The following ADIPOR2 variants were observed in gnomAD, a reference collection of about 807,000 sequenced individuals.
ADIPOR2 encodes the protein adiponectin receptor 2.
Under a neutral mutation model 40.9 loss-of-function variants are expected in ADIPOR2, and 18 were observed. That is an observed-to-expected ratio of 0.44 (90% confidence interval 0.30 to 0.65). The LOEUF is 0.65. Ranked by LOEUF, ADIPOR2 falls within the 30% of genes least tolerant of loss-of-function variation. The probability of loss-of-function intolerance (pLI) is 0.09; values close to 1 mark genes in which losing one functional copy is unlikely to be tolerated. For synonymous variants in ADIPOR2, 165 were observed against 166.4 expected (o/e 0.99, Z 0.06); for missense variants, 283 against 479.2 (o/e 0.59, Z 3.82).
intron 4 of ADIPOR2, 176 bp from the exon 5 acceptor site, chr12:1,780,275 C>T: frequency 1.8e-6 from 1 of 549,552 alleles, no homozygotes; most frequent in Admixed American, 4.1e-5. Flanking sequence ...CTGATACCAA[C>T]AATGTTGGAA....
chr12:1,737,347 T>TG (rs2094733075), intron 1 of ADIPOR2, among the ~76,000 whole-genome samples: 1 of 151,936 alleles, frequency 6.6e-6, no homozygotes, highest in Admixed American at 6.6e-5. Flanking sequence ...TTGTTGTTGT[T>TG]TTTTTTCTTA....
At chr12:1,705,080 C>T (rs750298798) in intron 1 of ADIPOR2, among the ~76,000 whole-genome samples, 7 of 151,994 alleles carry the variant, frequency 4.6e-5, no homozygotes, top group South Asian at 2.1e-4. Context: ...GATAGAGCCC[C>T]GAATGATTGT....
At chr12:1,699,493 A>C (rs1314144547) in intron 1 of ADIPOR2, among the ~76,000 whole-genome samples, 1 of 152,086 alleles carries the variant, frequency 6.6e-6, no homozygotes, top group Non-Finnish European at 1.5e-5. Context: ...AAAAAACCAA[A>C]AACAAAAATT....
At chr12:1,773,242 T>G (rs1862522822) in intron 3 of ADIPOR2, among the ~76,000 whole-genome samples, 1 of 152,330 alleles carries the variant, frequency 6.6e-6, no homozygotes, top group Non-Finnish European at 1.5e-5. Flanking sequence ...TATTGGTGGT[T>G]TAGACAAACA....
intron 1 of ADIPOR2, among the ~76,000 whole-genome samples, chr12:1,720,867 T>C (rs1051275350): frequency 1.3e-5 from 2 of 152,216 alleles, no homozygotes; most frequent in African/African-American, 4.8e-5. Flanking sequence ...AGGGCTAACC[T>C]GCCTTCCATT....
At position 1,754,693 on chromosome 12, in the gene ADIPOR2, TTATTATTACTACTAC is replaced by T. The variant is rs1449790912; in HGVS notation, c.171+182_171+196del. On this transcript the variant is annotated intron_variant, in intron 2 of 7. Coordinates refer to ENST00000357103, the MANE Select transcript of ADIPOR2 (RefSeq NM_024551.3). ...AACTTGAAGTCTCTTATCTTTATTATTATTATTACTACTACTACTACTACTACTACTACTACTACT... is the reference window on the plus strand; with the variant it reads ...AACTTGAAGTCTCTTATCTTTATTATTACTACTACTACTACTACTACTACT... Among the ~76,000 whole-genome samples the T allele has an allele frequency of 1.0e-4, 14 of 136,746 alleles. 1 individual carries two copies. The South Asian group carries it at 1.9e-3, about 18-fold the overall frequency. 89.7% of individuals were successfully genotyped at this position (136,746 alleles called of 152,430 possible). A position where few individuals can be genotyped will look rare whatever the true frequency, so the allele number is the denominator to read the frequency against.
chr12:1,702,071 G>A (rs1405961453), intron 1 of ADIPOR2, among the ~76,000 whole-genome samples: 1 of 152,104 alleles, frequency 6.6e-6, no homozygotes, highest in African/African-American at 2.4e-5. Flanking sequence ...TCAGTGAGCC[G>A]AGATCACGCC....
At chr12:1,723,970 A>G (rs2094702815) in intron 1 of ADIPOR2, among the ~76,000 whole-genome samples, 1 of 152,036 alleles carries the variant, frequency 6.6e-6, no homozygotes. Context: ...ACTGGTATAC[A>G]TACAAAATGG....
At chr12:1,782,971 TC>T in intron 6 of ADIPOR2, among the ~76,000 whole-genome samples, 6 of 124,214 alleles carry the variant, frequency 4.8e-5, no homozygotes, top group African/African-American at 1.7e-4. Context: ...TTTCTTTCTT[TC>T]TTTCTTTTTT....
chr12:1,729,646 G>GTTT lies in ADIPOR2; in HGVS notation c.-86-24605_-86-24603dup, dbSNP rs58714863. 4.6e-4 allele frequency among the ~76,000 whole-genome samples: 54 copies of GTTT among 117,662 alleles called. 1 individual carries two copies. Among genetic ancestry groups the GTTT allele is most frequent in the East Asian group, 2.5e-3 (10 of 3,936 alleles). 77.2% of individuals were successfully genotyped at this position (117,662 alleles called of 152,430 possible). ...TTTTTTTTTTTTTTTTTTTTTGAGT[G>GTTT]TTTTTTTTTGATAACTTCTAATTAT... On this transcript the variant is annotated intron_variant, in intron 1 of 7. Transcript: ENST00000357103.
chr12:1,707,269 T>A (rs1266189927), intron 1 of ADIPOR2, among the ~76,000 whole-genome samples: 1 of 152,196 alleles, frequency 6.6e-6, no homozygotes, highest in East Asian at 1.9e-4. Flanking sequence ...TTTATTTCTC[T>A]TGGGCAAATA....
At chr12:1,774,248 C>G (rs181748087) in intron 3 of ADIPOR2, among the ~76,000 whole-genome samples, 1 of 152,282 alleles carries the variant, frequency 6.6e-6, no homozygotes, top group Admixed American at 6.5e-5. Context: ...TTTTTGTCCT[C>G]TCCCTTTCTG....
chr12:1,771,903 T>C (rs1332134946), intron 2 of ADIPOR2, among the ~76,000 whole-genome samples: 3 of 152,224 alleles, frequency 2.0e-5, no homozygotes, highest in Non-Finnish European at 2.9e-5. Context: ...TAAAGAATTA[T>C]AGAATTTTTT....
chr12:1,763,656 T>C (rs905265733), intron 2 of ADIPOR2, among the ~76,000 whole-genome samples: 38 of 152,218 alleles, frequency 2.5e-4, no homozygotes, highest in Admixed American at 2.4e-3. Flanking sequence ...TCCACTCACT[T>C]GAACATGTTT....
intron 1 of ADIPOR2, among the ~76,000 whole-genome samples, chr12:1,726,493 T>C (rs191731605): frequency 1.5e-3 from 229 of 152,270 alleles, no homozygotes; most frequent in Middle Eastern, 0.014. Flanking sequence ...CCACCACCCC[T>C]GGCTGAGTTG....
At chr12:1,739,406 C>T (rs2094737944) in intron 1 of ADIPOR2, among the ~76,000 whole-genome samples, 1 of 152,212 alleles carries the variant, frequency 6.6e-6, no homozygotes, top group Non-Finnish European at 1.5e-5. Context: ...TGCCTTAGGG[C>T]AGGGTTAGCA....
intron 1 of ADIPOR2, among the ~76,000 whole-genome samples, chr12:1,722,977 G>C (rs568227600): frequency 6.6e-6 from 1 of 152,154 alleles, no homozygotes; most frequent in Non-Finnish European, 1.5e-5. Context: ...TTTTTGGAAG[G>C]ATTACAAGAT....
At chr12:1,712,386 C>A (rs1420624133) in intron 1 of ADIPOR2, among the ~76,000 whole-genome samples, 1 of 152,112 alleles carries the variant, frequency 6.6e-6, no homozygotes, top group Non-Finnish European at 1.5e-5. Flanking sequence ...CCATTTACAT[C>A]ATGAGTAGTC....
chr12:1,728,950 T>A (rs1312524345), intron 1 of ADIPOR2, among the ~76,000 whole-genome samples: 2 of 142,366 alleles, frequency 1.4e-5, no homozygotes, highest in African/African-American at 5.1e-5. Context: ...TTTTCCTAGT[T>A]CTGGACTGTT....
Sources: gnomAD v4.1 joint callset for allele counts (sites outside exome capture counted in the v4.1 genomes callset) on GRCh38, gnomAD v4.1.1 for gene constraint, MANE v1.5 for transcripts, NCBI Gene and HGNC (gene_info 2026-07-23, HGNC 2026-07-21) for gene names.